DHDDS: variants seen among roughly 807,000 people sequenced by gnomAD.
DHDDS encodes dehydrodolichyl diphosphate synthase subunit, also known as dehydrodolichyl diphosphate synthase complex subunit DHDDS.
Under a neutral mutation model 46.2 loss-of-function variants are expected in DHDDS, and 16 were observed. That is an observed-to-expected ratio of 0.35 (90% confidence interval 0.23 to 0.53). The LOEUF (loss-of-function observed/expected upper bound fraction) is 0.53. Among genes scored for constraint, DHDDS ranks in the 20% least tolerant of loss-of-function variants. DHDDS has a pLI of 0.94. For synonymous variants in DHDDS, 151 were observed against 163.1 expected (o/e 0.93, Z 0.56); for missense variants, 340 against 423.7 (o/e 0.80, Z 1.73).
chr1:26,452,331 C>T (rs1210726251), intron 6 of DHDDS, among the ~76,000 whole-genome samples: 4 of 152,138 alleles, frequency 2.6e-5, no homozygotes, highest in South Asian at 2.1e-4. Context: ...GTTTGAACCA[C>T]GGCACCTGAC....
chr1:26,459,462 A>C (rs1211828903), intron 7 of DHDDS, among the ~76,000 whole-genome samples: 2 of 152,240 alleles, frequency 1.3e-5, no homozygotes, highest in East Asian at 3.8e-4. Context: ...TAATCTAAAC[A>C]GTACCCTGAA....
At chr1:26,446,545 G>C in intron 5 of DHDDS, 113 bp downstream of exon 5, 1 of 941,716 alleles carries the variant, frequency 1.1e-6, no homozygotes. Flanking sequence ...GGCAATGAGA[G>C]AGTAGGTTGA....
In DHDDS at chr1:26,457,783, C is replaced by T; in HGVS notation, c.543-8C>T. On this transcript the variant is annotated splice_region_variant and splice_polypyrimidine_tract_variant and intron_variant, in intron 6 of 8. Coordinates refer to ENST00000236342, the MANE Select transcript of DHDDS (RefSeq NM_205861.3). ...GTGCCTCTCTTTGTCTCTTCTTGCT[C>T]ATCTTAGTGATATCTCTGAGTCTCT... The T allele has an allele frequency of 6.3e-7, 1 of 1,597,210 alleles. No individual in the cohort carries two copies. The highest frequency in any genetic ancestry group is 8.6e-7 in the Non-Finnish European group (1 of 1,164,882).
intron 6 of DHDDS, 95 bp downstream of exon 6, chr1:26,447,755 G>C: frequency 9.0e-7 from 1 of 1,107,344 alleles, no homozygotes; most frequent in Non-Finnish European, 1.4e-6. Flanking sequence ...TTAGGAGGCC[G>C]AGGTGGGCAG....
intron 6 of DHDDS, chr1:26,455,003 C>G: frequency 6.9e-7 from 1 of 1,455,052 alleles, no homozygotes; most frequent in Non-Finnish European, 9.6e-7. Flanking sequence ...ACCATTGTAA[C>G]GTCGGAATGG....
chr1:26,447,146 C>A (rs867200191), intron 5 of DHDDS, among the ~76,000 whole-genome samples: 1 of 151,848 alleles, frequency 6.6e-6, no homozygotes, highest in Admixed American at 6.6e-5. Flanking sequence ...ATGGTGAAAC[C>A]CCATCTCTAC....
chr1:26,452,708 C>T (rs1210272879), intron 6 of DHDDS, among the ~76,000 whole-genome samples: 1 of 152,134 alleles, frequency 6.6e-6, no homozygotes, highest in East Asian at 1.9e-4. Context: ...AACCTGGGGG[C>T]CAAGATTTCA....
chr1:26,454,925 G>C, intron 6 of DHDDS: 7 of 1,602,138 alleles, frequency 4.4e-6, no homozygotes, highest in Non-Finnish European at 5.1e-6. Flanking sequence ...CAAAAATTCA[G>C]CACTCTTTTT....
intron 8 of DHDDS, 89 bp downstream of exon 8, chr1:26,460,233 C>T: frequency 2.9e-6 from 3 of 1,021,560 alleles, no homozygotes; most frequent in Non-Finnish European, 4.7e-6. Flanking sequence ...ATACCAGGCA[C>T]TTCCTAATAA....
chr1:26,437,207 G>A (rs537302032), intron 2 of DHDDS, among the ~76,000 whole-genome samples: 12 of 151,970 alleles, frequency 7.9e-5, no homozygotes, highest in Admixed American at 2.6e-4. Context: ...GCTTATGCAA[G>A]TCACTAGAAC....
chr1:26,461,456 G>A (rs1420762613), intron 8 of DHDDS, among the ~76,000 whole-genome samples: 1 of 151,238 alleles, frequency 6.6e-6, no homozygotes, highest in Non-Finnish European at 1.5e-5. Flanking sequence ...CGCAATCTCG[G>A]CTCACCGAAA....
chr1:26,469,807 C>G lies in DHDDS; in HGVS notation c.*676C>G, dbSNP rs1181775108. On this transcript the variant is annotated 3_prime_UTR_variant, in exon 9 of 9. Transcript: ENST00000236342. ...TTACCTATTGTCGACTCAGCCCACA[C>G]AAGCTTTTCTCCTCCTCTTGCAGGG... 1 of 156,694 alleles carries G rather than the reference C, an allele frequency of 6.4e-6. No homozygotes were observed. Among genetic ancestry groups the G allele is most frequent in the Non-Finnish European group, 1.4e-5 (1 of 70,534 alleles). The allele number at this position is 156,694 out of a possible 1,614,324, so 9.7% of individuals were successfully genotyped here. A position where few individuals can be genotyped will look rare whatever the true frequency, so the allele number is the denominator to read the frequency against.
chr1:26,442,923 T>C (rs2075233109), intron 4 of DHDDS, 50 bp downstream of exon 4: 2 of 1,612,862 alleles, frequency 1.2e-6, no homozygotes, highest in Non-Finnish European at 1.7e-6. Context: ...CCCCCAGCCT[T>C]ATCCTAACCC....
chr1:26,447,822 C>T (rs1050979651), intron 6 of DHDDS, 162 bp downstream of exon 6: 1 of 691,400 alleles, frequency 1.4e-6, no homozygotes, highest in Non-Finnish European at 2.6e-6. Flanking sequence ...GCAAAACTCC[C>T]TCTTTTCAAC....
intron 8 of DHDDS, among the ~76,000 whole-genome samples, chr1:26,465,804 G>T (rs1350453840): frequency 1.3e-5 from 2 of 152,176 alleles, no homozygotes; most frequent in African/African-American, 4.8e-5. Flanking sequence ...CTCTGAGGGT[G>T]CTTCAGAACA....
intron 6 of DHDDS, chr1:26,454,721 A>G (rs1168249848): frequency 1.3e-6 from 2 of 1,588,578 alleles, no homozygotes; most frequent in Non-Finnish European, 1.7e-6. Context: ...TTTAGGAACA[A>G]TCTGTTCCTT....
chr1:26,455,495 C>T (rs1325419282), intron 6 of DHDDS, among the ~76,000 whole-genome samples: 1 of 152,052 alleles, frequency 6.6e-6, no homozygotes, highest in Non-Finnish European at 1.5e-5. Context: ...ACCTGTAATC[C>T]CAGCACTTTG....
chr1:26,466,760 C>G (rs1424464777), intron 8 of DHDDS, among the ~76,000 whole-genome samples: 1 of 152,224 alleles, frequency 6.6e-6, no homozygotes, highest in Non-Finnish European at 1.5e-5. Context: ...GACTACTTAG[C>G]CCAGTCCACA....
intron 2 of DHDDS, 86 bp from the exon 3 acceptor site, chr1:26,438,082 C>T: frequency 7.1e-7 from 1 of 1,418,340 alleles, no homozygotes; most frequent in Non-Finnish European, 1.0e-6. Flanking sequence ...ATCACATAGC[C>T]CAAACATATC....
Sources: allele counts gnomAD v4.1 joint callset (sites outside exome capture counted in the v4.1 genomes callset), GRCh38; gene constraint gnomAD v4.1.1; transcripts MANE v1.5; gene names NCBI Gene and HGNC (gene_info 2026-07-23, HGNC 2026-07-21).